Variants in NKAIN2 observed in about 807,000 individuals in gnomAD.
The protein encoded by NKAIN2 is sodium/potassium-transporting ATPase subunit beta-1-interacting protein 2.
NKAIN2 carries 14 observed loss-of-function variants against 32.6 expected under a neutral mutation model. That is an observed-to-expected ratio of 0.43 (90% CI 0.28 to 0.67). NKAIN2 has a LOEUF of 0.67. NKAIN2 is among the 30% of genes least tolerant of loss of function. The pLI is 0.17. For synonymous variants in NKAIN2, 80 were observed against 87.2 expected (o/e 0.92, Z 0.46); for missense variants, 198 against 258.3 (o/e 0.77, Z 1.60).
chr6:124,305,316 A>C (rs1287603197), intron 2 of NKAIN2, among the ~76,000 whole-genome samples: 2 of 152,190 alleles, frequency 1.3e-5, no homozygotes, highest in African/African-American at 4.8e-5. Flanking sequence ...GCAATCAAAC[A>C]AGGGACAATG....
chr6:123,817,507 G>A (rs1438257943), intron 1 of NKAIN2, among the ~76,000 whole-genome samples: 1 of 152,176 alleles, frequency 6.6e-6, no homozygotes, highest in African/African-American at 2.4e-5. Context: ...TGAGGAGATT[G>A]TGAAGGGAAA....
intron 1 of NKAIN2, among the ~76,000 whole-genome samples, chr6:123,977,183 C>A (rs1778683619): frequency 6.6e-6 from 1 of 152,072 alleles, no homozygotes; most frequent in Non-Finnish European, 1.5e-5. Flanking sequence ...ACTATGCTAC[C>A]CAGGCTGGTC....
chr6:124,279,579 C>T (rs925647702), intron 1 of NKAIN2, among the ~76,000 whole-genome samples: 1 of 147,740 alleles, frequency 6.8e-6, no homozygotes, highest in Admixed American at 6.8e-5. Flanking sequence ...GCCAGTGTAA[C>T]CTTTATAACA....
chr6:124,549,947 A>G (rs773120242), intron 3 of NKAIN2, among the ~76,000 whole-genome samples: 1 of 152,018 alleles, frequency 6.6e-6, no homozygotes, highest in Non-Finnish European at 1.5e-5. Flanking sequence ...TGTTTTTCCT[A>G]TTGTAGTTAC....
intron 1 of NKAIN2, among the ~76,000 whole-genome samples, chr6:124,046,598 G>C (rs1234177421): frequency 6.6e-6 from 1 of 152,096 alleles, no homozygotes; most frequent in African/African-American, 2.4e-5. Context: ...AAGCAATAAA[G>C]AGTTGATCTT....
At chr6:123,812,041 C>A (rs1339594291) in intron 1 of NKAIN2, among the ~76,000 whole-genome samples, 2 of 151,986 alleles carry the variant, frequency 1.3e-5, no homozygotes, top group Non-Finnish European at 2.9e-5. Flanking sequence ...AACTCTTATG[C>A]CCCCCACCGC....
chr6:124,075,194 A>G (rs1783640240), intron 1 of NKAIN2, among the ~76,000 whole-genome samples: 1 of 152,154 alleles, frequency 6.6e-6, no homozygotes, highest in Admixed American at 6.5e-5. Flanking sequence ...AACTTCTCCT[A>G]CCAGAACATA....
chr6:124,315,010 T>C lies in NKAIN2; in HGVS notation c.192+31868T>C, dbSNP rs139714405. On this transcript the variant is annotated intron_variant, in intron 2 of 6. Coordinates refer to ENST00000368417, the MANE Select transcript of NKAIN2 (RefSeq NM_001040214.3). ...AAAATCTCTAATGTGTAATTGTTAATATACTAATTATGTAAGTTTTTTATA... is the reference window on the plus strand; with the variant it reads ...AAAATCTCTAATGTGTAATTGTTAACATACTAATTATGTAAGTTTTTTATA... Among the ~76,000 whole-genome samples, 152 of 152,306 alleles carry C rather than the reference T, an allele frequency of 1.0e-3. 1 individual carries two copies. Among genetic ancestry groups the C allele is most frequent in the African/African-American group, 3.3e-3 (138 of 41,578 alleles).
At chr6:124,110,131 C>T (rs1785310329) in intron 1 of NKAIN2, among the ~76,000 whole-genome samples, 3 of 149,518 alleles carry the variant, frequency 2.0e-5, no homozygotes, top group Admixed American at 2.0e-4. Context: ...TAAATGTTCC[C>T]TCATTTTCTT....
chr6:124,818,510 G>C (rs369217964), intron 6 of NKAIN2, 42 bp downstream of exon 6: 1 of 871,620 alleles, frequency 1.1e-6, no homozygotes, highest in Non-Finnish European at 1.8e-6. Context: ...GGGTACTAAA[G>C]ATAATCAAGT....
intron 1 of NKAIN2, among the ~76,000 whole-genome samples, chr6:124,096,326 T>A (rs1324135845): frequency 6.6e-6 from 1 of 152,100 alleles, no homozygotes; most frequent in Non-Finnish European, 1.5e-5. Flanking sequence ...TTGAAAAAAA[T>A]TATCTCTCAA....
chr6:124,675,055 G>GT, intron 4 of NKAIN2, among the ~76,000 whole-genome samples: 2 of 152,006 alleles, frequency 1.3e-5, no homozygotes, highest in Non-Finnish European at 2.9e-5. Context: ...TTTGTTGAGT[G>GT]TTTTTATCAT....
chr6:124,381,604 G>A (rs549762607), intron 3 of NKAIN2, among the ~76,000 whole-genome samples: 3 of 152,186 alleles, frequency 2.0e-5, no homozygotes, highest in East Asian at 1.9e-4. Context: ...TGAGCTATAC[G>A]TTTCATCGAA....
chr6:124,159,750 A>G (rs1788178865), intron 1 of NKAIN2, among the ~76,000 whole-genome samples: 1 of 152,152 alleles, frequency 6.6e-6, no homozygotes, highest in Non-Finnish European at 1.5e-5. Context: ...TGGCCTCAGA[A>G]ACCCAAGCGC....
chr6:124,007,513 A>T (rs987890077), intron 1 of NKAIN2, among the ~76,000 whole-genome samples: 1 of 152,186 alleles, frequency 6.6e-6, no homozygotes, highest in African/African-American at 2.4e-5. Flanking sequence ...GGATGGCTAA[A>T]CTTTCTGCTC....
chr6:124,457,933 G>A (rs62437474), intron 3 of NKAIN2, among the ~76,000 whole-genome samples: 1 of 151,804 alleles, frequency 6.6e-6, no homozygotes. Flanking sequence ...TGTATGAAAG[G>A]TGCATGATAT....
chr6:124,039,675 A>G (rs976974426), intron 1 of NKAIN2, among the ~76,000 whole-genome samples: 2 of 151,938 alleles, frequency 1.3e-5, no homozygotes, highest in African/African-American at 4.8e-5. Flanking sequence ...AATGATTTTT[A>G]TATATTAATT....
intron 1 of NKAIN2, among the ~76,000 whole-genome samples, chr6:123,986,588 C>T (rs1308121361): frequency 6.6e-6 from 1 of 152,124 alleles, no homozygotes; most frequent in Non-Finnish European, 1.5e-5. Context: ...TTACACTCAA[C>T]TTGGGAGATT....
At chr6:124,112,238 G>A (rs540017672) in intron 1 of NKAIN2, among the ~76,000 whole-genome samples, 1 of 152,152 alleles carries the variant, frequency 6.6e-6, no homozygotes, top group East Asian at 1.9e-4. Flanking sequence ...TTCTTGTAAG[G>A]CAGGTCCGGT....
Sources: gnomAD v4.1 joint callset for allele counts (sites outside exome capture counted in the v4.1 genomes callset) on GRCh38, gnomAD v4.1.1 for gene constraint, MANE v1.5 for transcripts, NCBI Gene and HGNC (gene_info 2026-07-23, HGNC 2026-07-21) for gene names.